VEGFD: variants seen among roughly 807,000 people sequenced by gnomAD.
VEGFD encodes the protein vascular endothelial growth factor D.
Under a neutral mutation model 28.0 loss-of-function variants are expected in VEGFD, and 26 were observed. That is an observed-to-expected ratio of 0.93 (90% confidence interval 0.68 to 1.29). The LOEUF is 1.29. Ranked by LOEUF, VEGFD falls within the 50% of genes most tolerant of loss-of-function variation. The pLI is 0.00. For synonymous variants in VEGFD, 93 were observed against 95.5 expected (o/e 0.97, Z 0.15); for missense variants, 294 against 273.4 (o/e 1.08, Z -0.53).
At chrX:15,375,461 C>T (rs2146988064) in intron 1 of VEGFD, among the ~76,000 whole-genome samples, 1 of 111,875 alleles carries the variant, frequency 8.9e-6, no homozygotes, top group Admixed American at 9.5e-5. Context: ...GCTATGGCTG[C>T]TGTGGCTGCT....
intron 2 of VEGFD, among the ~76,000 whole-genome samples, chrX:15,360,897 T>C (rs768989795): frequency 1.8e-5 from 2 of 112,499 alleles, no homozygotes; most frequent in East Asian, 2.8e-4. Flanking sequence ...GGTAAGCTTT[T>C]AATCAAAATC....
rs1414191496 is a variant in VEGFD at position 15,345,901 on chromosome X, A to G, written c.*232T>C. 1.1e-5 allele frequency: 4 copies of G among 374,866 alleles called. No individual in the cohort carries two copies. In the Admixed American group the frequency reaches 2.0e-4, roughly 19 times the overall value. The allele number at this position is 374,866 out of a possible 1,213,427, so 30.9% of individuals were successfully genotyped here. A position where few individuals can be genotyped will look rare whatever the true frequency, so the allele number is the denominator to read the frequency against. ...AAACAAAACTAAACAAAAGGATTAC[A>G]TGGGTCCCCTCCTCTCCATTCCTTG... On this transcript the variant is annotated 3_prime_UTR_variant, in exon 7 of 7. Transcript: ENST00000297904.
chrX:15,357,150 G>T (rs1160087677), intron 3 of VEGFD, among the ~76,000 whole-genome samples: 1 of 111,882 alleles, frequency 8.9e-6, no homozygotes, highest in Non-Finnish European at 1.9e-5. Flanking sequence ...TTAAAAACAT[G>T]GTAACCAGAG....
In VEGFD at chrX:15,363,172, G is replaced by A. The variant is rs776563381; in HGVS notation, c.238C>T (p.Arg80Cys). The A allele has an allele frequency of 1.1e-5, 13 of 1,209,340 alleles. No homozygotes were observed. The highest frequency in any genetic ancestry group is 6.7e-6 in the Non-Finnish European group (6 of 895,007). The change falls in exon 2 of 7, where the codon CGC (arginine) becomes TGC (cysteine). Residue 80 changes from arginine (R) to cysteine (C), a missense_variant. Coordinates refer to ENST00000297904, the MANE Select transcript of VEGFD (RefSeq NM_004469.5). ...CTAGTGGACCGATGGGATGCTGAGC[G>A]AGAGTCCATACTGGTAAAACTTTTG... ...RLKSFTSMDS[R>C]SASHRSTRFA...
At chrX:15,377,124 C>T (rs1442369432) in intron 1 of VEGFD, among the ~76,000 whole-genome samples, 3 of 112,366 alleles carry the variant, frequency 2.7e-5, no homozygotes, top group Non-Finnish European at 5.6e-5. Context: ...AGTTGAACTC[C>T]CTGACTGTTA....
chrX:15,362,221 A>C (rs1429844703), intron 2 of VEGFD, among the ~76,000 whole-genome samples: 1 of 111,104 alleles, frequency 9.0e-6, no homozygotes, highest in East Asian at 2.8e-4. Flanking sequence ...CATTATCCTT[A>C]TTTCAAATTA....
At chrX:15,378,168 G>C (rs910353029) in intron 1 of VEGFD, among the ~76,000 whole-genome samples, 2 of 111,712 alleles carry the variant, frequency 1.8e-5, no homozygotes, top group East Asian at 5.6e-4. Context: ...CAACAGGCTG[G>C]AATAATGGGC....
At chrX:15,358,530 T>A (rs1367875846) in intron 2 of VEGFD, among the ~76,000 whole-genome samples, 4 of 112,021 alleles carry the variant, frequency 3.6e-5, no homozygotes, top group African/African-American at 1.3e-4. Flanking sequence ...AGAAATAACA[T>A]GTAAATATTA....
At chrX:15,374,877 T>C (rs1449663853) in intron 1 of VEGFD, among the ~76,000 whole-genome samples, 1 of 110,446 alleles carries the variant, frequency 9.1e-6, no homozygotes. Context: ...TTGTTAATAA[T>C]AGGTCACCTC....
chrX:15,369,975 CT>C (rs1042262286), intron 1 of VEGFD, among the ~76,000 whole-genome samples: 1 of 111,912 alleles, frequency 8.9e-6, no homozygotes, highest in Non-Finnish European at 1.9e-5. Flanking sequence ...TCGTTCATTT[CT>C]TCTTGTTTTG....
intron 5 of VEGFD, among the ~76,000 whole-genome samples, chrX:15,348,888 G>A (rs781262564): frequency 7.1e-4 from 80 of 112,773 alleles, no homozygotes; most frequent in African/African-American, 1.4e-3. Context: ...GGGTCCTGAA[G>A]CAGGCCGATG....
intron 1 of VEGFD, among the ~76,000 whole-genome samples, chrX:15,364,572 ATAAGGTGATCT>A (rs1923100636): frequency 8.9e-6 from 1 of 112,150 alleles, no homozygotes; most frequent in Admixed American, 9.4e-5. Context: ...TGGAGAAATG[ATAAGGTGATCT>A]ATCTATGGCT....
chrX:15,352,716 G>A (rs1922761784), intron 5 of VEGFD, among the ~76,000 whole-genome samples: 1 of 111,720 alleles, frequency 9.0e-6, no homozygotes, highest in Admixed American at 9.5e-5. Context: ...CAATTTCAGT[G>A]TTTCAGGATG....
intron 5 of VEGFD, among the ~76,000 whole-genome samples, chrX:15,348,055 C>T (rs1207827349): frequency 8.9e-6 from 1 of 111,911 alleles, no homozygotes; most frequent in African/African-American, 3.3e-5. Context: ...ATGGAAGAGA[C>T]AGAAACTTTG....
chrX:15,355,404 TA>T (rs1922844389), intron 3 of VEGFD, 106 bp from the exon 4 acceptor site: 1 of 621,378 alleles, frequency 1.6e-6, no homozygotes, highest in African/African-American at 2.4e-5. Flanking sequence ...GCAATGACTT[TA>T]GCCAAGTTGT....
chrX:15,375,957 T>C (rs1923429196), intron 1 of VEGFD, among the ~76,000 whole-genome samples: 1 of 111,023 alleles, frequency 9.0e-6, no homozygotes. Context: ...GTGCTTAGGA[T>C]ATGTGGGGGC....
chrX:15,347,472 C>A, intron 5 of VEGFD, 113 bp from the exon 6 acceptor site: 2 of 548,346 alleles, frequency 3.6e-6, no homozygotes, highest in Non-Finnish European at 2.8e-6. Context: ...ACCCAATCTC[C>A]TTCCTATAGA....
chrX:15,360,661 C>G (rs1922991853), intron 2 of VEGFD, among the ~76,000 whole-genome samples: 1 of 111,681 alleles, frequency 9.0e-6, no homozygotes. Context: ...TTAAAAATTT[C>G]TGATTATTAA....
At chrX:15,368,162 GAAAGA>G (rs1380462606) in intron 1 of VEGFD, among the ~76,000 whole-genome samples, 1 of 109,348 alleles carries the variant, frequency 9.1e-6, no homozygotes, top group African/African-American at 3.3e-5. Flanking sequence ...GAGAAAGAAA[GAAAGA>G]AAAGAAAGGA....
Sources: allele counts gnomAD v4.1 joint callset (sites outside exome capture counted in the v4.1 genomes callset), GRCh38; gene constraint gnomAD v4.1.1; transcripts MANE v1.5; gene names NCBI Gene and HGNC (gene_info 2026-07-23, HGNC 2026-07-21).